ZNF503: variants seen among roughly 807,000 people sequenced by gnomAD.
The protein encoded by ZNF503 is zinc finger protein 503.
Under a neutral mutation model 34.4 loss-of-function variants are expected in ZNF503, and 15 were observed. That is an observed-to-expected ratio of 0.44 (90% confidence interval 0.29 to 0.67). The LOEUF (loss-of-function observed/expected upper bound fraction) is 0.67, where lower values mean the gene tolerates loss of function less well. Among genes scored for constraint, ZNF503 ranks in the 30% least tolerant of loss-of-function variants. ZNF503 has a pLI of 0.13. For missense variants in ZNF503, 1,007 were observed against 926.8 expected (o/e 1.09, Z -1.12); for synonymous variants, 580 against 456.8 (o/e 1.27, Z -3.44).
the ZNF503 span, among the ~76,000 whole-genome samples, chr10:75,346,436 C>A: frequency 6.7e-6 from 1 of 149,734 alleles, no homozygotes; most frequent in Admixed American, 6.7e-5. Flanking sequence ...TATCTTTTTT[C>A]TTTTCTTTTT....
the ZNF503 span, among the ~76,000 whole-genome samples, chr10:75,360,181 C>T: frequency 7.1e-6 from 1 of 140,076 alleles, no homozygotes; most frequent in Non-Finnish European, 1.5e-5. Context: ...AGTGCAGTGG[C>T]TCGATCTCCG....
the ZNF503 span, among the ~76,000 whole-genome samples, chr10:75,302,648 A>T: frequency 6.6e-6 from 1 of 152,104 alleles, no homozygotes; most frequent in African/African-American, 2.4e-5. Flanking sequence ...CTGTGGCTTA[A>T]ATTTTACCTT....
chr10:75,374,910 A>C, the ZNF503 span, among the ~76,000 whole-genome samples: 12 of 152,230 alleles, frequency 7.9e-5, no homozygotes, highest in East Asian at 1.5e-3. Context: ...GCTAGAATCT[A>C]AAGTTTGTGC....
At chr10:75,294,036 C>T in the ZNF503 span, among the ~76,000 whole-genome samples, 1 of 152,240 alleles carries the variant, frequency 6.6e-6, no homozygotes, top group East Asian at 1.9e-4. Flanking sequence ...CACAAGGACG[C>T]AGTAGAGGCT....
downstream of ZNF503, among the ~76,000 whole-genome samples, chr10:75,394,056 G>A (rs569285021): frequency 6.6e-6 from 1 of 152,328 alleles, no homozygotes; most frequent in South Asian, 2.1e-4. Flanking sequence ...GCCAAGGTGA[G>A]AATCCCTGCT....
the ZNF503 span, among the ~76,000 whole-genome samples, chr10:75,390,513 G>A: frequency 1.7e-4 from 25 of 148,596 alleles, no homozygotes; most frequent in African/African-American, 6.0e-4. Flanking sequence ...TCATTGCATT[G>A]TACATTGATA....
chr10:75,281,626 A>G, the ZNF503 span, among the ~76,000 whole-genome samples: 2 of 152,160 alleles, frequency 1.3e-5, no homozygotes, highest in Non-Finnish European at 2.9e-5. Flanking sequence ...GGAGTGTGAG[A>G]TGTATGGATA....
chr10:75,283,820 A>G, the ZNF503 span: 1 of 152,246 alleles, frequency 6.6e-6, no homozygotes, highest in Non-Finnish European at 1.5e-5. Context: ...GGGCAGCTTC[A>G]GCTGTAAGCA....
At chr10:75,325,047 T>C in the ZNF503 span, among the ~76,000 whole-genome samples, 1 of 152,210 alleles carries the variant, frequency 6.6e-6, no homozygotes, top group Non-Finnish European at 1.5e-5. Flanking sequence ...TTATGAATAA[T>C]CTATGAATAT....
Position 75,398,846 on chromosome 10 carries a change from G to A in ZNF503, c.1844C>T (p.Ala615Val). The A allele has an allele frequency of 3.3e-6, 5 of 1,504,272 alleles. No homozygotes were observed. The highest frequency in any genetic ancestry group is 2.3e-5 in the East Asian group (1 of 43,126). The allele number at this position is 1,504,272 out of a possible 1,614,324, so 93.2% of individuals were successfully genotyped here. ...YSKSPLPTPG[A>V]PVPVPAATGP... ...GGTGGCGGCGGGCACCGGCACGGGG[G>A]CGCCAGGCGTGGGAAGCGGGCTCTT... is the stretch of plus-strand genomic sequence containing the variant. The change falls in exon 2 of 2, where the codon GCC becomes GTC. Residue 615 changes from alanine to valine, a missense_variant. By Grantham distance (64) the Ala-to-Val change is moderately conservative. Coordinates refer to ENST00000372524, the MANE Select transcript of ZNF503 (RefSeq NM_032772.6).
At chr10:75,332,827 G>A in the ZNF503 span, among the ~76,000 whole-genome samples, 1 of 144,780 alleles carries the variant, frequency 6.9e-6, no homozygotes, top group African/African-American at 2.6e-5. Flanking sequence ...CAAGGCAGAG[G>A]AATTTTTCTT....
the ZNF503 span, among the ~76,000 whole-genome samples, chr10:75,391,121 A>G: frequency 6.6e-6 from 1 of 151,540 alleles, no homozygotes. Flanking sequence ...GCTTCAAATG[A>G]ATTTTTTGGG....
chr10:75,397,520 T>C (rs1212783552), downstream of ZNF503, among the ~76,000 whole-genome samples: 1 of 152,222 alleles, frequency 6.6e-6, no homozygotes, highest in African/African-American at 2.4e-5. Context: ...ACAAAAACCC[T>C]GTCCCCCGCC....
the ZNF503 span, among the ~76,000 whole-genome samples, chr10:75,368,782 T>C: frequency 2.6e-5 from 4 of 152,358 alleles, no homozygotes; most frequent in Non-Finnish European, 5.9e-5. Flanking sequence ...GGTTTACTAA[T>C]GGATGGTTTC....
chr10:75,295,173 C>T, the ZNF503 span, among the ~76,000 whole-genome samples: 1 of 151,860 alleles, frequency 6.6e-6, no homozygotes, highest in African/African-American at 2.4e-5. This position sits in a 1 kb window ranked among gnomAD's most constrained non-coding sequence, Gnocchi z 4.0. Flanking sequence ...GCGACTCCGA[C>T]TCGGGGGGCA....
the ZNF503 span, among the ~76,000 whole-genome samples, chr10:75,291,992 G>C: frequency 6.6e-6 from 1 of 152,182 alleles, no homozygotes; most frequent in Admixed American, 6.5e-5. Context: ...TTGGGGATGG[G>C]CACAAACCAC....
the ZNF503 span, among the ~76,000 whole-genome samples, chr10:75,318,962 T>TC: frequency 1.3e-5 from 2 of 151,010 alleles, no homozygotes; most frequent in African/African-American, 2.4e-5. Context: ...CTCTCTCTCT[T>TC]TCTTATTTCT....
the ZNF503 span, among the ~76,000 whole-genome samples, chr10:75,299,441 A>G: frequency 1.3e-5 from 2 of 151,772 alleles, no homozygotes; most frequent in African/African-American, 2.4e-5. Context: ...CGAATTATCT[A>G]TTTCTCCTTT....
chr10:75,288,942 G>T, the ZNF503 span, among the ~76,000 whole-genome samples: 4 of 152,298 alleles, frequency 2.6e-5, no homozygotes, highest in South Asian at 2.1e-4. Flanking sequence ...GGCTGATCTG[G>T]CTTTGTCAGC....
Sources: gnomAD v4.1 joint callset for allele counts (sites outside exome capture counted in the v4.1 genomes callset) on GRCh38, gnomAD v4.1.1 for gene constraint, Gnocchi (gnomAD v3.1) non-coding constraint, MANE v1.5 for transcripts, NCBI Gene and HGNC (gene_info 2026-07-23, HGNC 2026-07-21) for gene names.